Variants in GAS2 observed in about 807,000 individuals in gnomAD.
GAS2 encodes growth arrest specific 2, also known as growth arrest-specific protein 2.
In GAS2, 20 loss-of-function variants were observed where a neutral mutation model predicts 37.5. That is an observed-to-expected ratio of 0.53 (90% confidence interval 0.37 to 0.77). The LOEUF is 0.77. Ranked by LOEUF, GAS2 falls within the 30% of genes least tolerant of loss-of-function variation. The pLI is 0.00. For synonymous variants in GAS2, 144 were observed against 132.2 expected, an observed-to-expected ratio of 1.09 and a Z score of -0.61; for missense variants, 336 against 373.4, an observed-to-expected ratio of 0.90 and a Z score of 0.82.
chr11:22,723,695 T>A (rs1852052653), intron 3 of GAS2, among the ~76,000 whole-genome samples: 1 of 151,920 alleles, frequency 6.6e-6, no homozygotes, highest in African/African-American at 2.4e-5. Flanking sequence ...GAAGTGGTAG[T>A]TTTTTCTGCC....
chr11:22,684,897 C>A (rs1849865513), intron 2 of GAS2, among the ~76,000 whole-genome samples: 1 of 152,202 alleles, frequency 6.6e-6, no homozygotes, highest in African/African-American at 2.4e-5. Flanking sequence ...TCAGGAAAAC[C>A]ATTTCAATAG....
chr11:22,729,335 T>C (rs1852364747), intron 4 of GAS2, among the ~76,000 whole-genome samples: 1 of 151,850 alleles, frequency 6.6e-6, no homozygotes, highest in African/African-American at 2.4e-5. Flanking sequence ...CACAACTCAC[T>C]GTTCTCTTTT....
At chr11:22,757,907 C>T (rs1184076731) in intron 7 of GAS2, among the ~76,000 whole-genome samples, 6 of 152,042 alleles carry the variant, frequency 3.9e-5, no homozygotes, top group Admixed American at 6.6e-5. Context: ...TCTGGTTATC[C>T]GTGGAGGCTT....
At chr11:22,685,889 A>C (rs575026948) in intron 3 of GAS2, 100 bp downstream of exon 3, 1 of 1,130,698 alleles carries the variant, frequency 8.8e-7, no homozygotes, top group Non-Finnish European at 1.2e-6. Context: ...GAACGGATGC[A>C]TCAAGGTCTA....
chr11:22,711,385 G>A (rs1160099517), intron 3 of GAS2, among the ~76,000 whole-genome samples: 3 of 152,332 alleles, frequency 2.0e-5, no homozygotes, highest in African/African-American at 7.2e-5. Context: ...TTGGGGAAAG[G>A]AAAGCAGCTG....
At chr11:22,643,923 A>G (rs994218510) in intron 1 of GAS2, among the ~76,000 whole-genome samples, 4 of 152,136 alleles carry the variant, frequency 2.6e-5, no homozygotes, top group African/African-American at 9.6e-5. Flanking sequence ...CTTTTATGTG[A>G]ATTCTTTTAG....
At chr11:22,629,162 C>A (rs1464110627) in intron 1 of GAS2, among the ~76,000 whole-genome samples, 1 of 152,068 alleles carries the variant, frequency 6.6e-6, no homozygotes, top group Non-Finnish European at 1.5e-5. Flanking sequence ...GATATAATGA[C>A]TTCTTTTCTT....
chr11:22,692,221 C>T (rs995865222), intron 3 of GAS2, among the ~76,000 whole-genome samples: 2 of 152,086 alleles, frequency 1.3e-5, no homozygotes, highest in Non-Finnish European at 2.9e-5. Flanking sequence ...GAGTGATGTG[C>T]CTATGGAACT....
chr11:22,685,909 C>A, intron 3 of GAS2, 120 bp downstream of exon 3: 2 of 853,416 alleles, frequency 2.3e-6, no homozygotes, highest in Non-Finnish European at 3.4e-6. Flanking sequence ...ATACTAACAA[C>A]AAAGTACAGA....
At chr11:22,641,987 T>C (rs540121725) in intron 1 of GAS2, among the ~76,000 whole-genome samples, 1 of 152,126 alleles carries the variant, frequency 6.6e-6, no homozygotes, top group African/African-American at 2.4e-5. Context: ...TTTCTTACAG[T>C]GTGGGAAATG....
At chr11:22,787,479 T>C (rs7938537) in intron 7 of GAS2, among the ~76,000 whole-genome samples, 2,749 of 151,564 alleles carry the variant, frequency 0.018, 74 homozygotes, top group African/African-American at 0.063. Context: ...ATAATTGTTG[T>C]GTGTATGTGT....
chr11:22,633,475 T>C (rs1858773310), intron 1 of GAS2, among the ~76,000 whole-genome samples: 1 of 152,192 alleles, frequency 6.6e-6, no homozygotes, highest in East Asian at 1.9e-4. Context: ...TGTTCCCCAG[T>C]GGTGTACATT....
intron 1 of GAS2, among the ~76,000 whole-genome samples, chr11:22,627,867 AG>A (rs961411520): frequency 6.6e-5 from 10 of 152,216 alleles, no homozygotes; most frequent in African/African-American, 2.2e-4. Context: ...GGAGCCTTCA[AG>A]GCTACAGGAA....
chr11:22,784,141 C>T (rs1855712452), intron 7 of GAS2, among the ~76,000 whole-genome samples: 1 of 152,104 alleles, frequency 6.6e-6, no homozygotes, highest in East Asian at 1.9e-4. Context: ...ATTTTGGTTT[C>T]ATATGAATTT....
chr11:22,758,766 A>G (rs1854192561), intron 7 of GAS2, among the ~76,000 whole-genome samples: 1 of 152,038 alleles, frequency 6.6e-6, no homozygotes, highest in African/African-American at 2.4e-5. Flanking sequence ...ATACAAAATT[A>G]GCTGGGCTTG....
chr11:22,770,641 C>T (rs189605422), intron 7 of GAS2, among the ~76,000 whole-genome samples: 273 of 152,132 alleles, frequency 1.8e-3, no homozygotes, highest in Non-Finnish European at 3.4e-3. Flanking sequence ...AGACTAAAAC[C>T]CCAGAAGAGA....
intron 2 of GAS2, among the ~76,000 whole-genome samples, chr11:22,685,052 T>G (rs1849872409): frequency 6.6e-6 from 1 of 151,952 alleles, no homozygotes; most frequent in Non-Finnish European, 1.5e-5. Flanking sequence ...GTAATCCCAG[T>G]ACTTTTGGAG....
intron 3 of GAS2, among the ~76,000 whole-genome samples, chr11:22,693,732 C>T (rs1479544097): frequency 6.6e-6 from 1 of 152,156 alleles, no homozygotes; most frequent in Non-Finnish European, 1.5e-5. Flanking sequence ...TGATTCCTCA[C>T]AAAGCATTTC....
intron 7 of GAS2, among the ~76,000 whole-genome samples, chr11:22,806,110 C>T (rs745455353): frequency 3.3e-5 from 5 of 152,084 alleles, no homozygotes; most frequent in African/African-American, 1.2e-4. Flanking sequence ...GGGAATGCAG[C>T]CCAGTAGGTC....
Sources: gnomAD v4.1 joint callset for allele counts (sites outside exome capture counted in the v4.1 genomes callset) on GRCh38, gnomAD v4.1.1 for gene constraint, MANE v1.5 for transcripts, NCBI Gene and HGNC (gene_info 2026-07-23, HGNC 2026-07-21) for gene names.